GPAM: variants seen among roughly 807,000 people sequenced by gnomAD.
GPAM encodes the protein glycerol-3-phosphate acyltransferase 1, mitochondrial.
GPAM carries 56 observed loss-of-function variants against 105.0 expected under a neutral mutation model. The ratio of observed to expected loss-of-function variants is 0.53; its 90% CI spans 0.43 to 0.67. GPAM has a LOEUF of 0.67. Ranked by LOEUF, GPAM falls within the 30% of genes least tolerant of loss-of-function variation. The pLI is 0.00. For synonymous variants in GPAM, 368 were observed against 354.4 expected (o/e 1.04, Z -0.43); for missense variants, 855 against 989.8 (o/e 0.86, Z 1.83).
At chr10:112,215,726 G>A (rs1847960621), upstream of GPAM, among the ~76,000 whole-genome samples, 1 of 151,382 alleles carries the variant, frequency 6.6e-6, no homozygotes, top group Non-Finnish European at 1.5e-5. Context: ...TCACTGCTGA[G>A]GGGAAGGGAG....
rs1589606218 is a variant in GPAM at position 112,197,077 on chromosome 10, T to C, written n.211-14186A>G. 2.0e-5 allele frequency among the ~76,000 whole-genome samples: 3 copies of C among 152,350 alleles called. No individual in the cohort carries two copies. In the East Asian group the frequency reaches 5.8e-4, roughly 29 times the overall value. On this transcript the variant is annotated intron_variant and non_coding_transcript_variant, in intron 1 of 3. Transcript: ENST00000480130. ...ATAATGTTGGTTTTTCTCTAGCTTA[T>C]TTATAAGTGATGTTTTTAGAGAATA...
chr10:112,194,089 C>G (rs1199149700), intron 1 of GPAM, among the ~76,000 whole-genome samples: 2 of 152,210 alleles, frequency 1.3e-5, no homozygotes, highest in Non-Finnish European at 1.5e-5. Flanking sequence ...TATCCTGGGA[C>G]TCTGCTCATA....
At position 112,151,161 on chromosome 10, in the gene GPAM, C is replaced by A. The variant is rs1330901419; in HGVS notation, c.*2389G>T. The A allele has an allele frequency of 4.1e-6, 4 of 983,148 alleles. No individual in the cohort carries two copies. Among genetic ancestry groups the A allele is most frequent in the Non-Finnish European group, 4.8e-6 (4 of 827,772 alleles). 60.9% of individuals were successfully genotyped at this position (983,148 alleles called of 1,614,324 possible). Reference sequence around the variant, plus strand: ...CAGTCTTCCCCTGAAGAAGGGCATGCATTTCATGTTACAGAAATGCGATAG... The same window carrying A: ...CAGTCTTCCCCTGAAGAAGGGCATGAATTTCATGTTACAGAAATGCGATAG... On this transcript the variant is annotated 3_prime_UTR_variant, in exon 22 of 22. Coordinates refer to ENST00000348367, the MANE Select transcript of GPAM (RefSeq NM_001244949.2).
intron 9 of GPAM, among the ~76,000 whole-genome samples, chr10:112,170,267 T>C (rs1847290438): frequency 6.6e-6 from 1 of 152,090 alleles, no homozygotes; most frequent in African/African-American, 2.4e-5. Context: ...AGAGTAAAAC[T>C]CTGCAGAATA....
chr10:112,159,831 AC>A, intron 17 of GPAM, 79 bp downstream of exon 17: 1 of 1,382,864 alleles, frequency 7.2e-7, no homozygotes, highest in Non-Finnish European at 1.0e-6. Flanking sequence ...ACATTATCTA[AC>A]AGAAAAACAC....
chr10:112,226,613 C>T, the GPAM span, among the ~76,000 whole-genome samples: 1 of 152,088 alleles, frequency 6.6e-6, no homozygotes, highest in Non-Finnish European at 1.5e-5. Context: ...GCAAAGACCC[C>T]GAGCTCTGGG....
At position 112,193,640 on chromosome 10, in the gene GPAM, G is replaced by A. The variant is rs12773815; in HGVS notation, n.211-10749C>T. 2.6e-5 allele frequency among the ~76,000 whole-genome samples: 4 copies of A among 152,182 alleles called. No individual in the cohort carries two copies. In the East Asian group the frequency reaches 5.8e-4, roughly 22 times the overall value. ...GGCAGAAACACACTTTGAATTCAGC[G>A]TCTACCTGATACTAAAGCCCAAACA... On this transcript the variant is annotated intron_variant and non_coding_transcript_variant, in intron 1 of 3. Coordinates refer to the GPAM transcript ENST00000480130.
In GPAM at chr10:112,153,302, A is replaced by C; in HGVS notation, c.*248T>G. 7.4e-7 allele frequency: 1 copy of C among 1,347,960 alleles called. No homozygotes were observed. Among genetic ancestry groups the C allele is most frequent in the Non-Finnish European group, 9.6e-7 (1 of 1,046,698 alleles). 83.5% of individuals were successfully genotyped at this position (1,347,960 alleles called of 1,614,324 possible). On this transcript the variant is annotated 3_prime_UTR_variant, in exon 22 of 22. Coordinates refer to ENST00000348367, the MANE Select transcript of GPAM (RefSeq NM_001244949.2). ...ATAATTTATTGAGATTTCATCTTGT[A>C]GTCTACGGATTATGAGTTGCGAATA...
In GPAM at chr10:112,172,988, C is replaced by T. The variant is rs763227303; in HGVS notation, c.639G>A (p.Met213Ile). Residue 213 changes from methionine to isoleucine, a missense_variant, in exon 8 of 22, where the codon ATG (methionine) becomes ATA (isoleucine). By Grantham distance (10) the Met-to-Ile change is conservative. Transcript: ENST00000348367. ...TTCTTGCCTCAGTTGCAGCTTTAAC[C>T]ATCTCAAGTTGACCTTTGTGAATTT... is the stretch of plus-strand genomic sequence containing the variant. ...NIQIHKGQLE[M>I]VKAATETNLP... is the part of the protein sequence containing the mutation. 6.3e-7 allele frequency: 1 copy of T among 1,591,202 alleles called. No individual in the cohort carries two copies. The highest frequency in any genetic ancestry group is 1.1e-5 in the South Asian group (1 of 90,588).
In GPAM at chr10:112,190,096, T is replaced by C. The variant is rs996303565; in HGVS notation, n.211-7205A>G. Among the ~76,000 whole-genome samples, 13 of 152,296 alleles carry C rather than the reference T, an allele frequency of 8.5e-5. No homozygotes were observed. In the East Asian group the frequency reaches 2.5e-3, roughly 29 times the overall value. On this transcript the variant is annotated intron_variant and non_coding_transcript_variant, in intron 1 of 3. Transcript: ENST00000480130. Reference sequence around the variant, plus strand: ...ATAAAATAAAATATGCACAATTAAATAGCTGCAAATAAATAAATATATTTC... The same window carrying C: ...ATAAAATAAAATATGCACAATTAAACAGCTGCAAATAAATAAATATATTTC...
intron 4 of GPAM, among the ~76,000 whole-genome samples, chr10:112,179,787 C>CT (rs1410343607): frequency 6.6e-6 from 1 of 152,182 alleles, no homozygotes; most frequent in Non-Finnish European, 1.5e-5. Context: ...CCAGATATGA[C>CT]TTTTAAAAGG....
At position 112,169,016 on chromosome 10, in the gene GPAM, A is replaced by C; in HGVS notation, c.795-64T>G. 2.7e-6 allele frequency: 3 copies of C among 1,093,258 alleles called. No homozygotes were observed. The South Asian group carries it at 3.7e-5, about 14-fold the overall frequency. The allele number at this position is 1,093,258 out of a possible 1,614,324, so 67.7% of individuals were successfully genotyped here. ...ATGTAAAAAGAATACTCACATTCCA[A>C]GTTAATTGAAAACATTTGCCAAGTG... On this transcript the variant is annotated intron_variant, in intron 9 of 21. Coordinates refer to ENST00000348367, the MANE Select transcript of GPAM (RefSeq NM_001244949.2).
At chr10:112,210,767 A>T (rs973175266) in intron 1 of GPAM, among the ~76,000 whole-genome samples, 11 of 152,216 alleles carry the variant, frequency 7.2e-5, no homozygotes, top group Non-Finnish European at 1.2e-4. Context: ...TCTGGAAAAA[A>T]TGCTAACCAG....
At chr10:112,174,377 C>T (rs541965419) in intron 6 of GPAM, among the ~76,000 whole-genome samples, 2 of 152,162 alleles carry the variant, frequency 1.3e-5, no homozygotes, top group East Asian at 3.9e-4. Context: ...TTTTAAAAGG[C>T]ACAGCTCAAG....
At chr10:112,183,176 C>G (rs1166146280) in intron 1 of GPAM, among the ~76,000 whole-genome samples, 1 of 152,188 alleles carries the variant, frequency 6.6e-6, no homozygotes, top group Non-Finnish European at 1.5e-5. Context: ...ACTTCTATGC[C>G]TTAGTTTTCC....
intron 17 of GPAM, among the ~76,000 whole-genome samples, chr10:112,158,848 A>G (rs1489052683): frequency 2.0e-5 from 3 of 152,222 alleles, no homozygotes; most frequent in South Asian, 2.1e-4. Flanking sequence ...GACAAGGTCA[A>G]TCTTGGAAGT....
At chr10:112,213,985 C>T (rs1042056307) in intron 1 of GPAM, among the ~76,000 whole-genome samples, 2 of 152,120 alleles carry the variant, frequency 1.3e-5, no homozygotes, top group African/African-American at 2.4e-5. Context: ...TGAAGAGGAG[C>T]GTGAGTCATT....
chr10:112,220,337 T>C (rs1848006780), upstream of GPAM, among the ~76,000 whole-genome samples: 1 of 152,220 alleles, frequency 6.6e-6, no homozygotes, highest in African/African-American at 2.4e-5. Flanking sequence ...AATTAAACTC[T>C]TTCTCTATTG....
At chr10:112,192,931 G>A (rs772288271) in intron 1 of GPAM, among the ~76,000 whole-genome samples, 21 of 152,288 alleles carry the variant, frequency 1.4e-4, no homozygotes, top group Admixed American at 3.9e-4. Flanking sequence ...TAAATTGGCC[G>A]CAGAGAATCT....
Sources: allele counts gnomAD v4.1 joint callset (sites outside exome capture counted in the v4.1 genomes callset), GRCh38; gene constraint gnomAD v4.1.1; transcripts MANE v1.5; gene names NCBI Gene and HGNC (gene_info 2026-07-23, HGNC 2026-07-21).